Variants in BTF3 observed in about 807,000 individuals in gnomAD.
BTF3 encodes the protein basic transcription factor 3.
A neutral mutation model predicts 23.9 loss-of-function variants in BTF3; 12 were observed. The ratio of observed to expected loss-of-function variants is 0.50; its 90% CI spans 0.32 to 0.81. BTF3 has a LOEUF of 0.81. Ranked by LOEUF, BTF3 falls within the 40% of genes least tolerant of loss-of-function variation. The pLI is 0.03. For synonymous variants in BTF3, 96 were observed against 94.8 expected, an observed-to-expected ratio of 1.01 and a Z score of -0.07; for missense variants, 215 against 255.9, an observed-to-expected ratio of 0.84 and a Z score of 1.09.
In BTF3 at chr5:73,499,102, C is replaced by G. The variant is rs775965358; in HGVS notation, c.133-32C>G. On this transcript the variant is annotated intron_variant, in intron 1 of 5. Transcript: ENST00000380591. The stretch of plus-strand genomic sequence containing the variant: ...CATGGAATGCTAGAGTGAGCTAAAC[C>G]TATCCTTGCTGAGGATTTCCTCTTT... 4 of 1,596,536 alleles carry G rather than the reference C, an allele frequency of 2.5e-6. No homozygotes were observed. In the African/African-American group the frequency reaches 4.1e-5, roughly 16 times the overall value.
chr5:73,501,541 A>G (rs1746436001), intron 2 of BTF3, among the ~76,000 whole-genome samples: 2 of 152,206 alleles, frequency 1.3e-5, no homozygotes. Context: ...ATCAGGTGAC[A>G]TAAGAGTAGA....
At chr5:73,503,685 A>T (rs1746491354) in intron 4 of BTF3, among the ~76,000 whole-genome samples, 1 of 152,220 alleles carries the variant, frequency 6.6e-6, no homozygotes, top group Non-Finnish European at 1.5e-5. Flanking sequence ...ATGGCTCTTT[A>T]GTTACCCATG....
chr5:73,498,588 T>G lies in BTF3; in HGVS notation c.-80T>G. The G allele has an allele frequency of 1.4e-6, 2 of 1,407,866 alleles. No individual in the cohort carries two copies. Among genetic ancestry groups the G allele is most frequent in the Non-Finnish European group, 1.8e-6 (2 of 1,089,234 alleles). The allele number at this position is 1,407,866 out of a possible 1,614,324, so 87.2% of individuals were successfully genotyped here. ...AAAAAGGCTCTGGACGGCGGCGTGG[T>G]AGGAGGACGGGAGCGGGGGCGGGAA... On this transcript the variant is annotated 5_prime_UTR_variant, in exon 1 of 6. Coordinates refer to ENST00000380591, the MANE Select transcript of BTF3 (RefSeq NM_001037637.2).
In BTF3 at chr5:73,499,997, A is replaced by C. The variant is rs371448443; in HGVS notation, c.201+795A>C. On this transcript the variant is annotated intron_variant, in intron 2 of 5. Coordinates refer to ENST00000380591, the MANE Select transcript of BTF3 (RefSeq NM_001037637.2). The stretch of plus-strand genomic sequence containing the variant: ...ATGTCTTTACTTGGTAAAACTTGTA[A>C]AGCTTCCATGGTACATGTTTATTAC... Among the ~76,000 whole-genome samples, 38 of 152,312 alleles carry C rather than the reference A, an allele frequency of 2.5e-4. No homozygotes were observed. The East Asian group carries it at 6.8e-3, about 27-fold the overall frequency.
In BTF3 at chr5:73,498,653, G is replaced by A. The variant is rs761827713; in HGVS notation, c.-15G>A. 1.9e-4 allele frequency: 282 copies of A among 1,503,164 alleles called. No homozygotes were observed. The highest frequency in any genetic ancestry group is 2.4e-4 in the Non-Finnish European group (275 of 1,135,280). The allele number at this position is 1,503,164 out of a possible 1,614,324, so 93.1% of individuals were successfully genotyped here. On this transcript the variant is annotated 5_prime_UTR_variant, in exon 1 of 6. Coordinates refer to ENST00000380591, the MANE Select transcript of BTF3 (RefSeq NM_001037637.2). ...CGAGACAGGGAGGGACAGGGCAGAGGAGGAGAGGAAGGCGATGCGACGGAC... is the reference window on the plus strand; with the variant it reads ...CGAGACAGGGAGGGACAGGGCAGAGAAGGAGAGGAAGGCGATGCGACGGAC...
intron 4 of BTF3, among the ~76,000 whole-genome samples, chr5:73,503,380 G>A (rs962961856): frequency 2.0e-5 from 3 of 152,048 alleles, no homozygotes; most frequent in African/African-American, 7.3e-5. Flanking sequence ...TAGAAATGAT[G>A]AAAATGTTAA....
chr5:73,498,883 C>T (rs905547587), intron 1 of BTF3, 84 bp downstream of exon 1: 1 of 1,478,978 alleles, frequency 6.8e-7, no homozygotes. Flanking sequence ...GTGGGGGGTG[C>T]TGGCCAGGCG....
chr5:73,502,181 AG>A (rs1746452887), intron 2 of BTF3, among the ~76,000 whole-genome samples: 1 of 150,020 alleles, frequency 6.7e-6, no homozygotes, highest in African/African-American at 2.5e-5. Context: ...AAAAAAAAAC[AG>A]AAGAGGTTAA....
intron 4 of BTF3, 77 bp from the exon 5 acceptor site, chr5:73,504,267 CTTT>C (rs34051700): frequency 0.017 from 2,132 of 124,406 alleles, no homozygotes; most frequent in East Asian, 0.066. Flanking sequence ...TTCATCTGTT[CTTT>C]TTTTTTTTTT....
At chr5:73,502,437 T>G in intron 2 of BTF3, 51 bp from the exon 3 acceptor site, 1 of 1,266,448 alleles carries the variant, frequency 7.9e-7, no homozygotes, top group Non-Finnish European at 1.1e-6. Flanking sequence ...TTGAAAAATA[T>G]CTGTTGTGGT....
chr5:73,499,040 C>A (rs1746368281), intron 1 of BTF3, 94 bp from the exon 2 acceptor site: 1 of 1,374,424 alleles, frequency 7.3e-7, no homozygotes, highest in Non-Finnish European at 9.9e-7. Context: ...CTGTGTAGGA[C>A]GTTTATTTTC....
chr5:73,501,540 C>G (rs562731064), intron 2 of BTF3, among the ~76,000 whole-genome samples: 1 of 152,218 alleles, frequency 6.6e-6, no homozygotes, highest in African/African-American at 2.4e-5. Context: ...GATCAGGTGA[C>G]ATAAGAGTAG....
At chr5:73,499,741 T>TA (rs1213800178) in intron 2 of BTF3, 1 of 169,472 alleles carries the variant, frequency 5.9e-6, no homozygotes, top group Non-Finnish European at 1.3e-5. Context: ...GACTTTGTAT[T>TA]ACTGTAAAAA....
At chr5:73,503,599 T>C (rs1401088532) in intron 4 of BTF3, among the ~76,000 whole-genome samples, 1 of 152,240 alleles carries the variant, frequency 6.6e-6, no homozygotes, top group African/African-American at 2.4e-5. Context: ...CATCTGAGGA[T>C]GTGGCAGTGT....
At chr5:73,500,538 G>A (rs1456546910) in intron 2 of BTF3, among the ~76,000 whole-genome samples, 2 of 152,064 alleles carry the variant, frequency 1.3e-5, no homozygotes, top group East Asian at 1.9e-4. Context: ...CTTAATACTC[G>A]TTTAGCTAAT....
At position 73,502,940 on chromosome 5, in the gene BTF3, A is replaced by T. The variant is rs757993865; in HGVS notation, c.340A>T (p.Thr114Ser). Residue 114 changes from threonine to serine, a missense_variant, in exon 4 of 6, where the codon ACA becomes TCA. Coordinates refer to ENST00000380591, the MANE Select transcript of BTF3 (RefSeq NM_001037637.2). The part of the protein sequence containing the change: ...EEVNMFTNQG[T>S]VIHFNNPKVQ... ...GGTGAATATGTTTACAAACCAAGGAACAGTGATCCACTTTAACAACCCTAA... is the reference window on the plus strand; with the variant it reads ...GGTGAATATGTTTACAAACCAAGGATCAGTGATCCACTTTAACAACCCTAA... 5.0e-6 allele frequency: 8 copies of T among 1,612,506 alleles called. No homozygotes were observed. The highest frequency in any genetic ancestry group is 5.9e-6 in the Non-Finnish European group (7 of 1,179,842).
rs34051700 is a variant in BTF3, at chr5:73,504,267, C to CTTTTTTTTTTTTTTTT, written c.518-70_518-55dup. The CTTTTTTTTTTTTTTTT allele has an allele frequency of 5.7e-4, 72 of 125,378 alleles. 7 individuals are homozygous for CTTTTTTTTTTTTTTTT. Among genetic ancestry groups the CTTTTTTTTTTTTTTTT allele is most frequent in the African/African-American group, 8.6e-4 (15 of 17,348 alleles). 7.8% of individuals were successfully genotyped at this position (125,378 alleles called of 1,614,324 possible). On this transcript the variant is annotated intron_variant, in intron 4 of 5. Coordinates refer to ENST00000380591, the MANE Select transcript of BTF3 (RefSeq NM_001037637.2). ...AACAACACTTGGCATTTCATCTGTT[C>CTTTTTTTTTTTTTTTT]TTTTTTTTTTTTTTTTTTTTTTTTT...
chr5:73,500,929 C>CTTTTTTTTTTTTTTTTTTTTTTTTTTTTT, intron 2 of BTF3, among the ~76,000 whole-genome samples: 1 of 137,500 alleles, frequency 7.3e-6, no homozygotes. Context: ...GTAACCAGTA[C>CTTTTTTTTTTTTTTTTTTTTTTTTTTTTT]TTTTTTTTTT....
chr5:73,498,461 C>A lies in BTF3; in HGVS notation c.-207C>A, dbSNP rs906693945. 4 of 590,490 alleles carry A rather than the reference C, an allele frequency of 6.8e-6. No individual in the cohort carries two copies. Among genetic ancestry groups the A allele is most frequent in the African/African-American group, 2.0e-5 (1 of 50,968 alleles). The allele number at this position is 590,490 out of a possible 1,614,324, so 36.6% of individuals were successfully genotyped here. On this transcript the variant is annotated 5_prime_UTR_variant, in exon 1 of 6. Transcript: ENST00000380591. ...CGGCCTCCCTTTAGCTGCCATCTTGCGTCCCCGCGTGTGTGCGCCTAATCT... is the reference window on the plus strand; with the variant it reads ...CGGCCTCCCTTTAGCTGCCATCTTGAGTCCCCGCGTGTGTGCGCCTAATCT...
Sources: gnomAD v4.1 joint callset for allele counts (sites outside exome capture counted in the v4.1 genomes callset) on GRCh38, gnomAD v4.1.1 for gene constraint, MANE v1.5 for transcripts, NCBI Gene and HGNC (gene_info 2026-07-23, HGNC 2026-07-21) for gene names.